The following MAF variants were observed in gnomAD, a reference collection of about 807,000 sequenced individuals.
The protein encoded by MAF is MAF bZIP transcription factor.
A neutral mutation model predicts 22.0 loss-of-function variants in MAF; 10 were observed. The observed-to-expected ratio is 0.45, with a 90% CI of 0.28 to 0.77. The LOEUF (loss-of-function observed/expected upper bound fraction) is 0.77, where lower values mean the gene tolerates loss of function less well. Ranked by LOEUF, MAF falls within the 30% of genes least tolerant of loss-of-function variation. MAF has a pLI of 0.12. For synonymous variants in MAF, 337 were observed against 255.8 expected (o/e 1.32, Z -3.03); for missense variants, 544 against 548.4 (o/e 0.99, Z 0.08).
At chr16:79,292,877 T>C in the MAF span, among the ~76,000 whole-genome samples, 1 of 152,176 alleles carries the variant, frequency 6.6e-6, no homozygotes, top group Admixed American at 6.5e-5. Flanking sequence ...ATCAGCACCA[T>C]GGCAATTTAC....
the MAF span, among the ~76,000 whole-genome samples, chr16:79,289,943 A>AACCTCACTGCAAT: frequency 7.0e-6 from 1 of 142,454 alleles, no homozygotes; most frequent in South Asian, 2.2e-4. Context: ...TGCAACCTCC[A>AACCTCACTGCAAT]CCTCCTGGAT....
chr16:79,489,442 G>A, the MAF span, among the ~76,000 whole-genome samples: 1 of 152,220 alleles, frequency 6.6e-6, no homozygotes. Context: ...AGCTGAGTAA[G>A]AGGAGTTGAT....
chr16:79,401,048 C>T, the MAF span, among the ~76,000 whole-genome samples: 1 of 152,184 alleles, frequency 6.6e-6, no homozygotes, highest in African/African-American at 2.4e-5. Context: ...TCAAGAACTT[C>T]ACCAGGAAGT....
At chr16:79,269,107 A>T in the MAF span, among the ~76,000 whole-genome samples, 1 of 152,116 alleles carries the variant, frequency 6.6e-6, no homozygotes, top group Non-Finnish European at 1.5e-5. Flanking sequence ...ACCTGTCTCT[A>T]TGTTGGTCAT....
the MAF span, among the ~76,000 whole-genome samples, chr16:79,278,141 T>C: frequency 6.6e-6 from 1 of 152,206 alleles, no homozygotes; most frequent in East Asian, 1.9e-4. Flanking sequence ...TAGGACTAGA[T>C]TGAGTCGTCC....
the MAF span, among the ~76,000 whole-genome samples, chr16:79,473,207 G>A: frequency 2.6e-5 from 4 of 152,268 alleles, no homozygotes; most frequent in East Asian, 5.8e-4. Context: ...CATATCCTCT[G>A]TGGAGGGGGA....
At chr16:79,545,955 A>G in the MAF span, among the ~76,000 whole-genome samples, 1 of 152,168 alleles carries the variant, frequency 6.6e-6, no homozygotes, top group African/African-American at 2.4e-5. Flanking sequence ...TGCTTGATTT[A>G]ATTAATCTAA....
the MAF span, among the ~76,000 whole-genome samples, chr16:79,491,754 T>C: frequency 2.4e-3 from 361 of 152,276 alleles, 2 homozygotes; most frequent in African/African-American, 8.2e-3. Flanking sequence ...AACCAAGCCC[T>C]GAAAAGTCTC....
chr16:79,284,213 C>T, the MAF span, among the ~76,000 whole-genome samples: 5 of 152,142 alleles, frequency 3.3e-5, no homozygotes, highest in Non-Finnish European at 5.9e-5. Context: ...CACCTCCATC[C>T]GCCTTCTACC....
the MAF span, among the ~76,000 whole-genome samples, chr16:79,293,395 A>G: frequency 6.6e-6 from 1 of 152,256 alleles, no homozygotes; most frequent in Admixed American, 6.5e-5. Context: ...GAAACAGAGA[A>G]GAGAAAATGA....
chr16:79,278,187 G>C, the MAF span, among the ~76,000 whole-genome samples: 6 of 152,214 alleles, frequency 3.9e-5, no homozygotes, highest in African/African-American at 1.2e-4. Context: ...AGACAGTCTC[G>C]GGAAATGGGA....
chr16:79,333,639 G>C, the MAF span, among the ~76,000 whole-genome samples: 2 of 152,212 alleles, frequency 1.3e-5, no homozygotes, highest in African/African-American at 2.4e-5. Flanking sequence ...TATGCGTAAT[G>C]ATGAGAATAA....
chr16:79,274,254 C>CT, the MAF span, among the ~76,000 whole-genome samples: 224 of 146,256 alleles, frequency 1.5e-3, no homozygotes, highest in African/African-American at 5.3e-3. Flanking sequence ...TTTGCCCAGC[C>CT]TTTTTTTTTT....
the MAF span, among the ~76,000 whole-genome samples, chr16:79,294,637 A>G: frequency 6.6e-6 from 1 of 152,206 alleles, no homozygotes; most frequent in East Asian, 1.9e-4. Flanking sequence ...CTTTTAGGTA[A>G]ATATTCTTAA....
At chr16:79,586,578 T>A (rs190035917) in intron 1 of MAF, among the ~76,000 whole-genome samples, 1 of 152,362 alleles carries the variant, frequency 6.6e-6, no homozygotes, top group East Asian at 1.9e-4. Context: ...AAAATGAGGT[T>A]GCTTTAAAGA....
At chr16:79,365,029 G>A in the MAF span, among the ~76,000 whole-genome samples, 1 of 152,150 alleles carries the variant, frequency 6.6e-6, no homozygotes, top group African/African-American at 2.4e-5. Context: ...TGGTTAAAGT[G>A]GGAAGTCCCT....
the MAF span, among the ~76,000 whole-genome samples, chr16:79,366,758 G>A: frequency 6.6e-6 from 1 of 152,196 alleles, no homozygotes; most frequent in African/African-American, 2.4e-5. Context: ...TGGTGCTAGA[G>A]ACCTCTGCTG....
Position 79,600,088 on chromosome 16 carries a change from C to T in MAF, c.-186G>A, listed in dbSNP as rs554033791. 581 of 649,024 alleles carry T rather than the reference C, an allele frequency of 9.0e-4. 1 individual carries two copies. The African/African-American group carries it at 0.01, about 11-fold the overall frequency. 40.2% of individuals were successfully genotyped at this position (649,024 alleles called of 1,614,324 possible). On this transcript the variant is annotated 5_prime_UTR_variant, in exon 1 of 2. Transcript: ENST00000326043. ...CACACACACACCCCCCCGCCCTGCC[C>T]GCGCCCCCCGCGCCCGCCCTCCCTC...
the MAF span, among the ~76,000 whole-genome samples, chr16:79,470,913 C>G: frequency 1.3e-5 from 2 of 152,206 alleles, no homozygotes; most frequent in Non-Finnish European, 1.5e-5. Flanking sequence ...GAGAGGCACT[C>G]AAATTATTCA....
Sources: allele counts gnomAD v4.1 joint callset (sites outside exome capture counted in the v4.1 genomes callset), GRCh38; gene constraint gnomAD v4.1.1; transcripts MANE v1.5; gene names NCBI Gene and HGNC (gene_info 2026-07-23, HGNC 2026-07-21).